MAK: variants seen among roughly 807,000 people sequenced by gnomAD.
The protein encoded by MAK is serine/threonine-protein kinase MAK.
In MAK, 65 loss-of-function variants were observed where a neutral mutation model predicts 82.6. The ratio of observed to expected loss-of-function variants is 0.79; its 90% CI spans 0.64 to 0.97. The LOEUF (loss-of-function observed/expected upper bound fraction) is 0.97. Ranked by LOEUF, MAK falls within the 50% of genes least tolerant of loss-of-function variation. The pLI is 0.00. For missense variants in MAK, 703 were observed against 780.2 expected (o/e 0.90, Z 1.18); for synonymous variants, 250 against 274.2 (o/e 0.91, Z 0.87).
At chr6:10,788,741 G>GA (rs557572591) in intron 10 of MAK, among the ~76,000 whole-genome samples, 1 of 150,710 alleles carries the variant, frequency 6.6e-6, no homozygotes, top group Admixed American at 6.6e-5. Flanking sequence ...GTCTCAAAAA[G>GA]AAAAAAAAGA....
At chr6:10,822,454 CAA>C (rs781088003) in intron 2 of MAK, among the ~76,000 whole-genome samples, 1 of 138,070 alleles carries the variant, frequency 7.2e-6, no homozygotes, top group Non-Finnish European at 1.6e-5. Flanking sequence ...AACTCCGTCT[CAA>C]AAAAAAAAAA....
intron 8 of MAK, among the ~76,000 whole-genome samples, chr6:10,798,468 G>A (rs1466014412): frequency 6.6e-6 from 1 of 152,034 alleles, no homozygotes; most frequent in African/African-American, 2.4e-5. Flanking sequence ...CAAGAAGAGG[G>A]AAAACTTTAA....
rs1362038316 is a variant in MAK at position 10,784,397 on chromosome 6, A to G, written c.1465+27T>C. 4 of 1,613,460 alleles carry G rather than the reference A, an allele frequency of 2.5e-6. No homozygotes were observed. The Admixed American group carries it at 5.0e-5, about 20-fold the overall frequency. The stretch of plus-strand genomic sequence containing the variant: ...CTGACCTATCTATACTCTAGTTAGC[A>G]GCAAACATTTTCTTTGCTCTACTTA... On this transcript the variant is annotated intron_variant, in intron 11 of 14. Transcript: ENST00000354489.
chr6:10,796,410 C>T, intron 8 of MAK, 101 bp from the exon 9 acceptor site: 1 of 906,200 alleles, frequency 1.1e-6, no homozygotes, highest in Non-Finnish European at 1.8e-6. Flanking sequence ...ATCATTAGCC[C>T]ACATGAGCTT....
At chr6:10,780,556 GC>G (rs1773871306) in intron 11 of MAK, among the ~76,000 whole-genome samples, 3 of 148,616 alleles carry the variant, frequency 2.0e-5, no homozygotes, top group Admixed American at 6.8e-5. Flanking sequence ...CCGGGTTCAA[GC>G]CATTCTCCTG....
chr6:10,802,826 T>G (rs948338160), intron 7 of MAK, among the ~76,000 whole-genome samples: 1 of 152,254 alleles, frequency 6.6e-6, no homozygotes, highest in Non-Finnish European at 1.5e-5. Context: ...CTACATTTAC[T>G]TGTGTAATGT....
rs1774332331 is a variant in MAK at position 10,784,533 on chromosome 6, T to C, written c.1356A>G (p.Thr452=). The C allele has an allele frequency of 6.2e-7, 1 of 1,613,990 alleles. No homozygotes were observed. The highest frequency in any genetic ancestry group is 8.5e-7 in the Non-Finnish European group (1 of 1,179,974). Residue 452 remains threonine, a synonymous_variant, in exon 11 of 15, where the codon ACA becomes ACG. Coordinates refer to ENST00000354489, the MANE Select transcript of MAK (RefSeq NM_001242957.3). ...EPVPSGSNHS[T]GENKSLPAVT... is the part of the protein sequence containing the mutation. ...CAGCAGGTAAGCTCTTGTTTTCCCCTGTCGAGTGGTTGGAGCCTGAGGGTA... is the reference window on the plus strand; with the variant it reads ...CAGCAGGTAAGCTCTTGTTTTCCCCCGTCGAGTGGTTGGAGCCTGAGGGTA...
chr6:10,813,177 C>T (rs1777192852), intron 5 of MAK, among the ~76,000 whole-genome samples: 1 of 76,448 alleles, frequency 1.3e-5, no homozygotes, highest in Non-Finnish European at 2.3e-5. Context: ...GAGATGGAGT[C>T]TCACTCTGTT....
intron 10 of MAK, among the ~76,000 whole-genome samples, chr6:10,786,994 A>G (rs1277610031): frequency 8.4e-6 from 1 of 119,708 alleles, no homozygotes; most frequent in African/African-American, 3.9e-5. Flanking sequence ...TTCACCTCCT[A>G]TTCACCACTC....
intron 6 of MAK, among the ~76,000 whole-genome samples, chr6:10,806,360 G>A (rs1776454892): frequency 6.6e-6 from 1 of 150,852 alleles, no homozygotes; most frequent in East Asian, 1.9e-4. Context: ...ACAGAGTCTT[G>A]CTCTGTCACC....
Position 10,764,524 on chromosome 6 carries a change from C to G in MAK, c.1875G>C (p.Val625=). 1 of 1,614,078 alleles carries G rather than the reference C, an allele frequency of 6.2e-7. No individual in the cohort carries two copies. Among genetic ancestry groups the G allele is most frequent in the Non-Finnish European group, 8.5e-7 (1 of 1,179,972 alleles). The change falls in exon 15 of 15, where the codon GTG becomes GTC. Residue 625 remains valine (V), a synonymous_variant. Coordinates refer to ENST00000354489, the MANE Select transcript of MAK (RefSeq NM_001242957.3). ...YNPTAKNLNI[V]NRAQPIPSVH... ...CTGAGGGAATGGGCTGTGCACGGTT[C>G]ACAATATTTAGGTTTTTTGCTGTAG... is the stretch of plus-strand genomic sequence containing the variant.
intron 4 of MAK, among the ~76,000 whole-genome samples, chr6:10,816,036 C>T (rs9467631): frequency 0.16 from 23,855 of 149,896 alleles, 1,858 homozygotes; most frequent in Middle Eastern, 0.2. Flanking sequence ...TGCAACCTCT[C>T]CCTCCTGGCC....
intron 12 of MAK, 45 bp from the exon 13 acceptor site, chr6:10,773,153 T>C (rs1460039616): frequency 3.7e-6 from 4 of 1,092,400 alleles, no homozygotes; most frequent in Non-Finnish European, 5.2e-6. Flanking sequence ...GTAAGGAGAA[T>C]GTTATAGGAA....
intron 11 of MAK, among the ~76,000 whole-genome samples, chr6:10,781,811 A>G (rs1773994123): frequency 6.6e-6 from 1 of 152,160 alleles, no homozygotes; most frequent in Non-Finnish European, 1.5e-5. Context: ...CTGTTTCTCT[A>G]TCCAGACACA....
intron 4 of MAK, among the ~76,000 whole-genome samples, chr6:10,815,709 G>T (rs955054380): frequency 6.6e-6 from 1 of 151,210 alleles, no homozygotes; most frequent in Non-Finnish European, 1.5e-5. Context: ...CAATCCTCCC[G>T]CCTTGGCCTC....
chr6:10,789,665 T>G (rs1774908659), intron 10 of MAK, among the ~76,000 whole-genome samples: 1 of 152,048 alleles, frequency 6.6e-6, no homozygotes. Flanking sequence ...CAAAAATATC[T>G]TTTTTTTGTT....
At chr6:10,837,359 C>T (rs1206160021) in intron 1 of MAK, among the ~76,000 whole-genome samples, 1 of 152,226 alleles carries the variant, frequency 6.6e-6, no homozygotes, top group Non-Finnish European at 1.5e-5. Flanking sequence ...CTCATATTCA[C>T]AAATTATTTC....
At chr6:10,764,946 A>G (rs488730) in intron 14 of MAK, among the ~76,000 whole-genome samples, 114,801 of 151,498 alleles carry the variant, frequency 0.76, 43,696 homozygotes, top group East Asian at 0.92. Flanking sequence ...TACAAAAAAA[A>G]TCAGCTGAGC....
intron 4 of MAK, among the ~76,000 whole-genome samples, chr6:10,817,326 A>G (rs1335317043): frequency 6.6e-6 from 1 of 152,202 alleles, no homozygotes; most frequent in Non-Finnish European, 1.5e-5. Context: ...CGGAAGACCA[A>G]AGCTCTCCCT....
Sources: gnomAD v4.1 joint callset for allele counts (sites outside exome capture counted in the v4.1 genomes callset) on GRCh38, gnomAD v4.1.1 for gene constraint, MANE v1.5 for transcripts, NCBI Gene and HGNC (gene_info 2026-07-23, HGNC 2026-07-21) for gene names.